The following TIMM17B variants were observed in gnomAD, a reference collection of about 807,000 sequenced individuals.
TIMM17B encodes translocase of inner mitochondrial membrane 17B.
Under a neutral mutation model 15.9 loss-of-function variants are expected in TIMM17B, and 10 were observed. That is an observed-to-expected ratio of 0.63 (90% CI 0.39 to 1.06). The LOEUF is 1.06. Ranked by LOEUF, TIMM17B falls within the 50% of genes least tolerant of loss-of-function variation. TIMM17B has a pLI of 0.01. For missense variants in TIMM17B, 114 were observed against 152.2 expected, an observed-to-expected ratio of 0.75 and a Z score of 1.32; for synonymous variants, 57 against 57.2, an observed-to-expected ratio of 1.00 and a Z score of 0.02.
intron 3 of TIMM17B, chrX:48,895,744 G>A (rs1453971553): frequency 3.1e-6 from 1 of 318,823 alleles, no homozygotes; most frequent in Non-Finnish European, 5.5e-6. Context: ...GGTGGTCAGA[G>A]AAAAAGAATT....
Position 48,894,006 on chromosome X carries a change from G to A in TIMM17B, c.324C>T (p.Gly108=), listed in dbSNP as rs141147934. ...TTGCTGAGCCCACCATGGCCAGTGG[G>A]CCACCTGGGGGAGTTGGAGGCAGAG... is the stretch of plus-strand genomic sequence containing the variant. Residue 108 remains glycine (G), a synonymous_variant, in exon 6 of 7, where the codon GGC becomes GGT. Coordinates refer to ENST00000376582, the Ensembl canonical transcript of TIMM17B. The A allele has an allele frequency of 3.3e-3, 3,936 of 1,203,290 alleles. 8 individuals carry two copies. The highest frequency in any genetic ancestry group is 3.9e-3 in the Admixed American group (175 of 45,328).
chrX:48,894,912 A>AC, intron 4 of TIMM17B, 126 bp downstream of exon 3: 1 of 560,312 alleles, frequency 1.8e-6, no homozygotes. Flanking sequence ...GGGAAACATC[A>AC]CCCCCCTAGA....
At position 48,897,807 on chromosome X, in the gene TIMM17B, G is replaced by A. The variant is rs1284738650; in HGVS notation, c.-58C>T. 8.4e-6 allele frequency: 10 copies of A among 1,191,920 alleles called. No homozygotes were observed. In the Admixed American group the frequency reaches 1.1e-4, roughly 13 times the overall value. On this transcript the variant is annotated 5_prime_UTR_variant, in exon 2 of 7. Coordinates refer to ENST00000376582, the Ensembl canonical transcript of TIMM17B. Reference sequence around the variant, plus strand: ...GCCCCCAGCGTAGACGCACACCGGCGTCGGAGCTTTCCGCCTATTACCGGG... The same window carrying A: ...GCCCCCAGCGTAGACGCACACCGGCATCGGAGCTTTCCGCCTATTACCGGG...
intron 3 of TIMM17B, chrX:48,895,973 C>A (rs782600218): frequency 8.8e-6 from 1 of 113,784 alleles, no homozygotes; most frequent in East Asian, 2.7e-4. Context: ...AACCCCGTCT[C>A]TACAAATAAA....
intron 3 of TIMM17B, chrX:48,896,184 GCA>G (rs2063310324): frequency 9.7e-6 from 1 of 103,593 alleles, no homozygotes; most frequent in Non-Finnish European, 1.9e-5. Context: ...ACATGGCCAG[GCA>G]CAGTGGCACA....
At chrX:48,897,653 C>T (rs965354524) in intron 2 of TIMM17B, 71 bp downstream of exon 1, 349 of 952,235 alleles carry the variant, frequency 3.7e-4, no homozygotes, top group Non-Finnish European at 5.0e-4. Context: ...GCCGATGCCT[C>T]CCCCGCCCGA....
chrX:48,898,024 C>A, intron 1 of TIMM17B: 1 of 1,010,549 alleles, frequency 9.9e-7, no homozygotes, highest in Admixed American at 4.0e-5. Flanking sequence ...GGTATCGTAG[C>A]GGCGACACGA....
chrX:48,897,192 AAGAC>A, intron 2 of TIMM17B: 1 of 299,692 alleles, frequency 3.3e-6, no homozygotes, highest in Non-Finnish European at 5.8e-6. Context: ...TTAACTAGCC[AAGAC>A]AGACTGTCAG....
At chrX:48,897,686 C>T (rs2063328098) in intron 2 of TIMM17B, 38 bp downstream of exon 1, 2 of 1,142,087 alleles carry the variant, frequency 1.8e-6, no homozygotes, top group Non-Finnish European at 2.4e-6. Flanking sequence ...GCCTTGGCGT[C>T]GCAGCAATAT....
exon 7 of TIMM17B, chrX:48,893,632 T>A: frequency 1.3e-6 from 1 of 763,747 alleles, no homozygotes; most frequent in Non-Finnish European, 1.9e-6. Context: ...AAACCCTCTC[T>A]GGAGGGTCCC....
intron 1 of TIMM17B, 192 bp from the exon 1 acceptor site, chrX:48,897,960 C>A: frequency 4.5e-6 from 4 of 893,403 alleles, no homozygotes; most frequent in Non-Finnish European, 6.0e-6. Context: ...GAGTGAAGGC[C>A]TCGTTGAGAG....
chrX:48,894,088 G>T lies in TIMM17B; in HGVS notation c.319+9C>A, dbSNP rs1557039126. ...GAAGGGGCTGGGGCCAGGGCCAGGG[G>T]TCACTCACTGCGGGCAGCCAGCACA... On this transcript the variant is annotated intron_variant, in intron 5 of 6. Transcript: ENST00000376582. 2 of 1,197,461 alleles carry T rather than the reference G, an allele frequency of 1.7e-6. No individual in the cohort carries two copies. The highest frequency in any genetic ancestry group is 3.6e-5 in the South Asian group (2 of 55,354).
chrX:48,896,957 G>A, intron 2 of TIMM17B, 99 bp from the exon 2 acceptor site: 3 of 1,157,938 alleles, frequency 2.6e-6, no homozygotes, highest in Non-Finnish European at 3.5e-6. Context: ...TCACCAGAAT[G>A]GGAAGTTCCT....
At chrX:48,897,974 G>T in intron 1 of TIMM17B, 1 of 900,144 alleles carries the variant, frequency 1.1e-6, no homozygotes, top group Non-Finnish European at 1.5e-6. Flanking sequence ...TTGAGAGAAG[G>T]TCTCATTCGG....
chrX:48,895,123 G>A (rs782098149), intron 3 of TIMM17B, 22 bp from the exon 3 acceptor site: 11 of 1,165,473 alleles, frequency 9.4e-6, no homozygotes, highest in Middle Eastern at 2.4e-4. Flanking sequence ...AAGGAAGGGC[G>A]TTAGGGCAGG....
At chrX:48,896,706 CT>C in intron 3 of TIMM17B, 52 bp downstream of exon 2, 2 of 1,205,468 alleles carry the variant, frequency 1.7e-6, no homozygotes, top group Non-Finnish European at 2.2e-6. Context: ...AGCAGCCTCC[CT>C]TGTGGGCAAG....
chrX:48,895,598 ACAAACTTGGG>A, intron 3 of TIMM17B: 1 of 469,544 alleles, frequency 2.1e-6, no homozygotes, highest in Non-Finnish European at 3.8e-6. Context: ...CTTGAGGATG[ACAAACTTGGG>A]CAAAGATCCA....
intron 4 of TIMM17B, 125 bp from the exon 4 acceptor site, chrX:48,894,350 G>T: frequency 1.4e-6 from 1 of 694,081 alleles, no homozygotes; most frequent in Non-Finnish European, 2.2e-6. Flanking sequence ...AAGGCAGATA[G>T]CAAACCCACA....
chrX:48,894,134 G>A (rs146947668), exon 5 of TIMM17B: 5 of 1,200,262 alleles, frequency 4.2e-6, no homozygotes, highest in Non-Finnish European at 5.6e-6. Context: ...ATGCTCCACT[G>A]GTGATAGAGT....
Sources: allele counts gnomAD v4.1 joint callset, GRCh38; gene constraint gnomAD v4.1.1; transcripts MANE v1.5; gene names NCBI Gene and HGNC (gene_info 2026-07-23, HGNC 2026-07-21).